UNC5C: variants seen among roughly 807,000 people sequenced by gnomAD.
UNC5C encodes netrin receptor UNC5C.
UNC5C carries 47 observed loss-of-function variants against 99.8 expected under a neutral mutation model. The ratio of observed to expected loss-of-function variants is 0.47; its 90% confidence interval spans 0.37 to 0.60. The LOEUF (loss-of-function observed/expected upper bound fraction) is 0.60, where lower values mean the gene tolerates loss of function less well. Among genes scored for constraint, UNC5C ranks in the 20% least tolerant of loss-of-function variants. The pLI is 0.00. For missense variants in UNC5C, 1,062 were observed against 1,165.9 expected, an observed-to-expected ratio of 0.91 and a Z score of 1.30; for synonymous variants, 487 against 452.2, an observed-to-expected ratio of 1.08 and a Z score of -0.98.
intron 3 of UNC5C, among the ~76,000 whole-genome samples, chr4:95,281,670 T>C (rs1370425552): frequency 6.6e-6 from 1 of 152,232 alleles, no homozygotes; most frequent in Non-Finnish European, 1.5e-5. Flanking sequence ...TCTCAGCTAC[T>C]GCATTGTTAA....
intron 1 of UNC5C, among the ~76,000 whole-genome samples, chr4:95,502,093 T>C (rs1001494946): frequency 1.3e-5 from 2 of 152,120 alleles, no homozygotes; most frequent in African/African-American, 4.8e-5. Flanking sequence ...GGTGCTGTGT[T>C]CTTACTTCAT....
chr4:95,350,442 G>A (rs949419100), intron 1 of UNC5C, among the ~76,000 whole-genome samples: 1 of 151,422 alleles, frequency 6.6e-6, no homozygotes, highest in Admixed American at 6.6e-5. Flanking sequence ...AGCTGAGATC[G>A]TGCCACTACA....
At chr4:95,364,593 G>C (rs1744496793) in intron 1 of UNC5C, among the ~76,000 whole-genome samples, 1 of 152,136 alleles carries the variant, frequency 6.6e-6, no homozygotes, top group Non-Finnish European at 1.5e-5. Flanking sequence ...GAAGGCAGGG[G>C]AGCTCAGTGA....
chr4:95,212,581 A>G (rs1738109298), intron 10 of UNC5C, among the ~76,000 whole-genome samples: 1 of 152,104 alleles, frequency 6.6e-6, no homozygotes, highest in South Asian at 2.1e-4. Flanking sequence ...AGTATTTCTT[A>G]AAGTTCTTTC....
chr4:95,202,747 G>A lies in UNC5C; in HGVS notation c.2120C>T (p.Thr707Ile), dbSNP rs754568367. Reference protein sequence around the residue: ...YSIRVYCLDDTQDALKEILHL... With the variant: ...YSIRVYCLDDIQDALKEILHL... ...GGCACTTACCTTCAGGGCATCCTGG[G>A]TGTCATCCAGACAGTAGACTCGGAT... Residue 707 changes from threonine to isoleucine, a missense_variant, in exon 12 of 16, where the codon ACC becomes ATC. Around this residue, in one of 3 missense-constraint regions of UNC5C, gnomAD observed 810 missense variants for 854.5 expected, o/e 0.95. Transcript: ENST00000453304. 1.9e-5 allele frequency: 31 copies of A among 1,614,074 alleles called. No individual in the cohort carries two copies. The highest frequency in any genetic ancestry group is 2.5e-5 in the Non-Finnish European group (30 of 1,180,016).
chr4:95,356,623 A>G (rs941277524), intron 1 of UNC5C, among the ~76,000 whole-genome samples: 11 of 152,210 alleles, frequency 7.2e-5, no homozygotes, highest in African/African-American at 2.4e-4. Flanking sequence ...GAAAGTGAAT[A>G]TAGTCTAGAA....
chr4:95,543,456 C>G (rs552094072), intron 1 of UNC5C, among the ~76,000 whole-genome samples: 1 of 152,134 alleles, frequency 6.6e-6, no homozygotes, highest in African/African-American at 2.4e-5. Context: ...ATTAGGATAA[C>G]GAAACTTCCT....
chr4:95,492,907 T>C (rs1050943011), intron 1 of UNC5C, among the ~76,000 whole-genome samples: 1 of 151,580 alleles, frequency 6.6e-6, no homozygotes, highest in African/African-American at 2.4e-5. Flanking sequence ...AATATTTGGA[T>C]AGCTAGGCAT....
chr4:95,497,460 T>A (rs1241028174), intron 1 of UNC5C, among the ~76,000 whole-genome samples: 1 of 151,986 alleles, frequency 6.6e-6, no homozygotes, highest in East Asian at 1.9e-4. Context: ...AGATCCCTGT[T>A]TATTCAATGA....
chr4:95,278,440 T>C (rs1292801478), intron 3 of UNC5C, 78 bp from the exon 4 acceptor site: 12 of 1,175,186 alleles, frequency 1.0e-5, no homozygotes, highest in Non-Finnish European at 1.5e-5. Context: ...AAAAATTTTC[T>C]GGCTTAGTAT....
At chr4:95,500,520 G>T (rs1721751352) in intron 1 of UNC5C, among the ~76,000 whole-genome samples, 1 of 152,052 alleles carries the variant, frequency 6.6e-6, no homozygotes, top group Non-Finnish European at 1.5e-5. Flanking sequence ...CATTGGTCAT[G>T]TTTATATGGA....
At chr4:95,270,111 T>C (rs570068086) in intron 4 of UNC5C, among the ~76,000 whole-genome samples, 3 of 152,200 alleles carry the variant, frequency 2.0e-5, no homozygotes, top group Non-Finnish European at 4.4e-5. Context: ...TTTGAAGTCC[T>C]ACTATTATTT....
rs150952866 is a variant in UNC5C at position 95,491,444 on chromosome 4, G to C, written c.124+57290C>G. Among the ~76,000 whole-genome samples, 29 of 151,634 alleles carry C rather than the reference G, an allele frequency of 1.9e-4. 1 individual carries two copies. In the East Asian group the frequency reaches 5.7e-3, roughly 30 times the overall value. On this transcript the variant is annotated intron_variant, in intron 1 of 15. Coordinates refer to ENST00000453304, the MANE Select transcript of UNC5C (RefSeq NM_003728.4). The stretch of plus-strand genomic sequence containing the variant: ...TTAAAGACTTACATATGGAAAAACT[G>C]CCCATCTATATATAGACAAGTCAGT...
At chr4:95,511,545 C>G (rs1247821118) in intron 1 of UNC5C, among the ~76,000 whole-genome samples, 1 of 152,074 alleles carries the variant, frequency 6.6e-6, no homozygotes, top group Non-Finnish European at 1.5e-5. Context: ...AAATGTTGAA[C>G]CACCAGAACA....
chr4:95,241,145 T>G (rs1739317853), intron 7 of UNC5C, among the ~76,000 whole-genome samples: 3 of 152,148 alleles, frequency 2.0e-5, no homozygotes, highest in African/African-American at 7.2e-5. Flanking sequence ...GCTATTTTAA[T>G]CCTCAACCCA....
At chr4:95,529,736 AT>A (rs1278180420) in intron 1 of UNC5C, among the ~76,000 whole-genome samples, 2 of 152,090 alleles carry the variant, frequency 1.3e-5, no homozygotes, top group African/African-American at 4.8e-5. Context: ...CAAAAAAAAA[AT>A]GGTAATAATA....
chr4:95,464,263 G>T lies in UNC5C; in HGVS notation c.124+84471C>A, dbSNP rs150800950. Among the ~76,000 whole-genome samples, 32 of 152,304 alleles carry T rather than the reference G, an allele frequency of 2.1e-4. No individual in the cohort carries two copies. In the South Asian group the frequency reaches 3.9e-3, roughly 19 times the overall value. ...AGGAAAAATATTTGGTGAAGGCTAAGTTGGCATGCTGGGAGGAGTTGGAAC... is the reference window on the plus strand; with the variant it reads ...AGGAAAAATATTTGGTGAAGGCTAATTTGGCATGCTGGGAGGAGTTGGAAC... On this transcript the variant is annotated intron_variant, in intron 1 of 15. Transcript: ENST00000453304.
At chr4:95,493,962 C>T (rs1430755002) in intron 1 of UNC5C, among the ~76,000 whole-genome samples, 2 of 151,254 alleles carry the variant, frequency 1.3e-5, no homozygotes, top group Non-Finnish European at 3.0e-5. Context: ...ATTGTATCTG[C>T]CAAAGATGCC....
chr4:95,512,329 A>G (rs1722098325), intron 1 of UNC5C, among the ~76,000 whole-genome samples: 1 of 152,322 alleles, frequency 6.6e-6, no homozygotes, highest in East Asian at 1.9e-4. Flanking sequence ...GAGTAAGGCA[A>G]TTATTCTTAG....
Sources: gnomAD v4.1 joint callset for allele counts (sites outside exome capture counted in the v4.1 genomes callset) on GRCh38, gnomAD v4.1.1 for gene constraint, gnomAD v4.1.1 regional missense constraint, MANE v1.5 for transcripts, NCBI Gene and HGNC (gene_info 2026-07-23, HGNC 2026-07-21) for gene names.